Variants in METTL24 observed in about 807,000 individuals in gnomAD.
The protein encoded by METTL24 is methyltransferase like 24, also known as probable methyltransferase-like protein 24.
METTL24 carries 29 observed loss-of-function variants against 32.7 expected under a neutral mutation model. The ratio of observed to expected loss-of-function variants is 0.89; its 90% CI spans 0.66 to 1.21. The LOEUF (loss-of-function observed/expected upper bound fraction) is 1.21. METTL24 is among the 50% of genes most tolerant of loss of function. METTL24 has a pLI of 0.00. For synonymous variants in METTL24, 163 were observed against 179.5 expected, an observed-to-expected ratio of 0.91 and a Z score of 0.73; for missense variants, 439 against 468.1, an observed-to-expected ratio of 0.94 and a Z score of 0.57.
intron 4 of METTL24, among the ~76,000 whole-genome samples, chr6:110,274,856 T>C (rs562202281): frequency 6.9e-6 from 1 of 144,654 alleles, no homozygotes; most frequent in Non-Finnish European, 1.5e-5. Context: ...CAGAGTGCAG[T>C]GGCGCCATCT....
chr6:110,309,639 G>T (rs148428312), intron 3 of METTL24, among the ~76,000 whole-genome samples: 49 of 152,278 alleles, frequency 3.2e-4, no homozygotes, highest in African/African-American at 1.1e-3. Context: ...GGCAAAAAAA[G>T]GTTGTGCAGG....
At chr6:110,344,101 A>G (rs979668608) in intron 1 of METTL24, among the ~76,000 whole-genome samples, 23 of 152,338 alleles carry the variant, frequency 1.5e-4, no homozygotes, top group Middle Eastern at 3.4e-3. Context: ...CCAACAATGC[A>G]ACGGTTATGT....
intron 2 of METTL24, among the ~76,000 whole-genome samples, chr6:110,316,598 T>C (rs1771823223): frequency 6.6e-6 from 1 of 152,248 alleles, no homozygotes; most frequent in Non-Finnish European, 1.5e-5. Context: ...ATTTTCTTCC[T>C]AAGAAGATAT....
At chr6:110,284,871 T>G (rs1228323284) in intron 4 of METTL24, among the ~76,000 whole-genome samples, 2 of 152,188 alleles carry the variant, frequency 1.3e-5, no homozygotes, top group Non-Finnish European at 2.9e-5. Flanking sequence ...AGCACCTCTC[T>G]TAATCCAAAA....
In METTL24 at chr6:110,283,404, GA is replaced by G. The variant is rs762553471; in HGVS notation, c.786+15517del. On this transcript the variant is annotated intron_variant, in intron 4 of 4. Transcript: ENST00000338882. ...AAAAATTTTTTCCATAATCTTGCCAGAAAACAACAGAGGCAACCAAGAAGAA... is the reference window on the plus strand; with the variant it reads ...AAAAATTTTTTCCATAATCTTGCCAGAAACAACAGAGGCAACCAAGAAGAA... Among the ~76,000 whole-genome samples the G allele has an allele frequency of 6.8e-4, 104 of 152,076 alleles. 1 individual carries two copies. The highest frequency in any genetic ancestry group is 9.9e-4 in the Non-Finnish European group (67 of 68,020).
chr6:110,324,018 C>A (rs769181078), intron 1 of METTL24, among the ~76,000 whole-genome samples: 1 of 152,094 alleles, frequency 6.6e-6, no homozygotes, highest in Non-Finnish European at 1.5e-5. Flanking sequence ...CCGTGAGATG[C>A]TTTAGTACAA....
At chr6:110,337,316 T>C (rs1772256812) in intron 1 of METTL24, among the ~76,000 whole-genome samples, 1 of 152,078 alleles carries the variant, frequency 6.6e-6, no homozygotes, top group South Asian at 2.1e-4. Flanking sequence ...AAATAACTAT[T>C]GGGTACTAGG....
At chr6:110,350,406 C>A (rs1772571382) in intron 1 of METTL24, among the ~76,000 whole-genome samples, 1 of 152,046 alleles carries the variant, frequency 6.6e-6, no homozygotes, top group Non-Finnish European at 1.5e-5. Context: ...AGAGTCCTAA[C>A]TGATACAGAA....
intron 1 of METTL24, among the ~76,000 whole-genome samples, chr6:110,350,827 G>A (rs1772585839): frequency 1.8e-5 from 2 of 108,196 alleles, no homozygotes; most frequent in African/African-American, 6.9e-5. Context: ...TAAAAAATTA[G>A]GCCAGGCTCA....
chr6:110,311,446 TTTTCTTTTCTTTTCTTTC>T (rs1771718952), intron 3 of METTL24, among the ~76,000 whole-genome samples: 1 of 151,064 alleles, frequency 6.6e-6, no homozygotes, highest in Non-Finnish European at 1.5e-5. Context: ...GTTGATTTTC[TTTTCTTTTCTTTTCTTTC>T]TTTGTTTTTT....
chr6:110,293,849 G>A (rs184761265), intron 4 of METTL24, among the ~76,000 whole-genome samples: 191 of 151,802 alleles, frequency 1.3e-3, no homozygotes, highest in African/African-American at 4.6e-3. Context: ...ACAAGTGCAT[G>A]TGAATCTATC....
chr6:110,347,544 C>T (rs375020075), intron 1 of METTL24, among the ~76,000 whole-genome samples: 4 of 152,154 alleles, frequency 2.6e-5, no homozygotes, highest in Non-Finnish European at 2.9e-5. Context: ...TTGACTAAAA[C>T]GTGGAAGACA....
At chr6:110,352,216 TG>T (rs1350985736) in intron 1 of METTL24, among the ~76,000 whole-genome samples, 1 of 152,236 alleles carries the variant, frequency 6.6e-6, no homozygotes, top group Non-Finnish European at 1.5e-5. Flanking sequence ...ATGCCGTCAC[TG>T]AGCTTAGCAA....
At chr6:110,357,641 AGT>A (rs1772725977) in intron 1 of METTL24, 2 of 159,878 alleles carry the variant, frequency 1.3e-5, no homozygotes, top group African/African-American at 4.8e-5. Context: ...CCCCTACTAA[AGT>A]GTATCCTCCG....
intron 1 of METTL24, among the ~76,000 whole-genome samples, chr6:110,336,782 C>T (rs959971536): frequency 8.0e-5 from 12 of 149,998 alleles, no homozygotes; most frequent in Non-Finnish European, 1.5e-4. Flanking sequence ...CATTTGCTGG[C>T]GAGGTTGCAG....
intron 1 of METTL24, among the ~76,000 whole-genome samples, chr6:110,324,588 A>G (rs1399427180): frequency 6.6e-6 from 1 of 152,232 alleles, no homozygotes; most frequent in Non-Finnish European, 1.5e-5. Context: ...AAGGCCCTGC[A>G]TTTCATTTTA....
intron 4 of METTL24, among the ~76,000 whole-genome samples, chr6:110,273,241 CTTTTG>C (rs1770988768): frequency 6.6e-6 from 1 of 152,076 alleles, no homozygotes; most frequent in Non-Finnish European, 1.5e-5. Flanking sequence ...CTACTTTATG[CTTTTG>C]TTTGCTTTAT....
rs115870298 is a variant in METTL24 at position 110,357,185 on chromosome 6, C to T, written c.318+770G>A. 6.8e-3 allele frequency among the ~76,000 whole-genome samples: 1,031 copies of T among 152,154 alleles called. 11 individuals carry two copies. The highest frequency in any genetic ancestry group is 0.023 in the African/African-American group (971 of 41,468). ...TAGTTCTTTTCATTTCCATGTACGA[C>T]GCAAATTACCGAGCTCCAAAAAGGA... On this transcript the variant is annotated intron_variant, in intron 1 of 4. Transcript: ENST00000338882.
intron 4 of METTL24, among the ~76,000 whole-genome samples, chr6:110,256,349 G>A (rs1778384448): frequency 6.6e-6 from 1 of 152,194 alleles, no homozygotes; most frequent in Non-Finnish European, 1.5e-5. Context: ...CAGTGCTGCA[G>A]TTAACCCCAG....
Sources: allele counts gnomAD v4.1 joint callset (sites outside exome capture counted in the v4.1 genomes callset), GRCh38; gene constraint gnomAD v4.1.1; transcripts MANE v1.5; gene names NCBI Gene and HGNC (gene_info 2026-07-23, HGNC 2026-07-21).